Variants in LPP observed in about 807,000 individuals in gnomAD.
LPP encodes the protein LIM domain containing preferred translocation partner in lipoma.
A neutral mutation model predicts 60.4 loss-of-function variants in LPP; 38 were observed. The ratio of observed to expected loss-of-function variants is 0.63; its 90% CI spans 0.49 to 0.83. The LOEUF (loss-of-function observed/expected upper bound fraction) is 0.83, where lower values mean the gene tolerates loss of function less well. Ranked by LOEUF, LPP falls within the 40% of genes least tolerant of loss-of-function variation. The pLI, the probability that LPP is intolerant of heterozygous loss-of-function variation, is 0.00. For synonymous variants in LPP, 328 were observed against 290.8 expected (o/e 1.13, Z -1.30); for missense variants, 902 against 783.6 (o/e 1.15, Z -1.80).
chr3:188,659,969 G>T (rs577508082), intron 7 of LPP, among the ~76,000 whole-genome samples: 1 of 152,060 alleles, frequency 6.6e-6, no homozygotes, highest in Admixed American at 6.6e-5. Context: ...TGTAACAGGA[G>T]TGAGCTTATT....
In LPP at chr3:188,882,327, TATC is replaced by T. The variant is rs1770130071; in HGVS notation, c.*7851_*7853del. 1 of 225,604 alleles carries T rather than the reference TATC, an allele frequency of 4.4e-6. No individual in the cohort carries two copies. Among genetic ancestry groups the T allele is most frequent in the South Asian group, 1.8e-4 (1 of 5,484 alleles). 14.0% of individuals were successfully genotyped at this position (225,604 alleles called of 1,614,324 possible). A position where few individuals can be genotyped will look rare whatever the true frequency, so the allele number is the denominator to read the frequency against. The stretch of plus-strand genomic sequence containing the variant: ...AGAAGACCCTCTGCATTGGCCAAAA[TATC>T]ATGGATTCTGGAAATTCCTTCTTAA... On this transcript the variant is annotated 3_prime_UTR_variant, in exon 12 of 12. Transcript: ENST00000617246.
At chr3:188,481,014 A>G (rs1001421389) in intron 4 of LPP, among the ~76,000 whole-genome samples, 1 of 152,198 alleles carries the variant, frequency 6.6e-6, no homozygotes, top group Non-Finnish European at 1.5e-5. Context: ...TTTCTTAAAC[A>G]TGATAATTCT....
At chr3:188,823,224 GACA>G (rs1410729884) in intron 9 of LPP, among the ~76,000 whole-genome samples, 6 of 152,140 alleles carry the variant, frequency 3.9e-5, no homozygotes, top group African/African-American at 1.4e-4. Flanking sequence ...CTAGTAGCCA[GACA>G]GAAAGCATCT....
intron 7 of LPP, among the ~76,000 whole-genome samples, chr3:188,670,011 C>T (rs554026603): frequency 2.2e-4 from 34 of 152,238 alleles, no homozygotes; most frequent in East Asian, 1.2e-3. Flanking sequence ...GGACAGAAAA[C>T]CAAACACCAC....
In LPP at chr3:188,524,702, C is replaced by A. The variant is rs370475678; in HGVS notation, c.344C>A (p.Ser115Tyr). The change falls in exon 6 of 12, where the codon TCC (serine) becomes TAC (tyrosine). Residue 115 changes from serine (S) to tyrosine (Y), a missense_variant. Physicochemically the swap from Ser to Tyr is moderately radical, Grantham distance 144. Coordinates refer to ENST00000617246, the MANE Select transcript of LPP (RefSeq NM_001375462.1). ...GGCAAGACACTTGAGGAGAGGCGCT[C>A]CAGCCTGGACGCTGAGATTGACTCC... ...PGGKTLEERR[S>Y]SLDAEIDSLT... The A allele has an allele frequency of 1.5e-5, 24 of 1,613,992 alleles. No individual in the cohort carries two copies. The highest frequency in any genetic ancestry group is 1.9e-5 in the Non-Finnish European group (22 of 1,179,982).
At chr3:188,444,848 A>G (rs769923432) in intron 4 of LPP, among the ~76,000 whole-genome samples, 1 of 152,232 alleles carries the variant, frequency 6.6e-6, no homozygotes, top group Non-Finnish European at 1.5e-5. Context: ...ACTTCTCAGA[A>G]GAAGACATTT....
At chr3:188,320,526 A>T (rs1756625417) in intron 2 of LPP, among the ~76,000 whole-genome samples, 1 of 152,222 alleles carries the variant, frequency 6.6e-6, no homozygotes, top group African/African-American at 2.4e-5. Context: ...TTGGGAAAGC[A>T]GGAAGGAGTA....
intron 2 of LPP, among the ~76,000 whole-genome samples, chr3:188,254,150 A>G (rs1235356036): frequency 1.3e-5 from 2 of 152,214 alleles, no homozygotes; most frequent in Non-Finnish European, 2.9e-5. Flanking sequence ...AGGTCTGCCC[A>G]CCTATTCTTA....
chr3:188,160,189 C>T (rs753861626), intron 1 of LPP, among the ~76,000 whole-genome samples: 4 of 149,948 alleles, frequency 2.7e-5, no homozygotes, highest in South Asian at 2.1e-4. Flanking sequence ...GGATTACAGG[C>T]GTGAGCCACC....
intron 4 of LPP, among the ~76,000 whole-genome samples, chr3:188,423,871 A>G (rs1788553568): frequency 6.7e-6 from 1 of 149,000 alleles, no homozygotes; most frequent in Admixed American, 6.8e-5. Flanking sequence ...TCAGATGGAT[A>G]GATTGCACGC....
chr3:188,772,293 C>T (rs1352220769), intron 9 of LPP, among the ~76,000 whole-genome samples: 5 of 152,110 alleles, frequency 3.3e-5, no homozygotes, highest in Non-Finnish European at 7.4e-5. Flanking sequence ...GATCTCCAGC[C>T]TTAAAATGCT....
At chr3:188,768,938 C>G (rs551953656) in intron 9 of LPP, among the ~76,000 whole-genome samples, 5 of 152,226 alleles carry the variant, frequency 3.3e-5, no homozygotes, top group African/African-American at 9.6e-5. Flanking sequence ...CATCTTAAGA[C>G]TGTATGTACA....
intron 7 of LPP, among the ~76,000 whole-genome samples, chr3:188,641,113 A>C (rs1226929340): frequency 6.6e-6 from 1 of 151,824 alleles, no homozygotes; most frequent in Non-Finnish European, 1.5e-5. Context: ...TTAAGGCTCC[A>C]CATTTCTGAT....
intron 9 of LPP, among the ~76,000 whole-genome samples, chr3:188,836,481 A>G (rs747598767): frequency 6.6e-6 from 1 of 152,194 alleles, no homozygotes; most frequent in Non-Finnish European, 1.5e-5. Flanking sequence ...TTCTGTGTGA[A>G]CAACTTGACA....
chr3:188,651,195 A>G (rs1221751358), intron 7 of LPP, among the ~76,000 whole-genome samples: 3 of 152,194 alleles, frequency 2.0e-5, no homozygotes, highest in Non-Finnish European at 4.4e-5. Context: ...AATTTCTGCC[A>G]TATGCTGGGA....
intron 2 of LPP, among the ~76,000 whole-genome samples, chr3:188,294,904 G>A (rs570548847): frequency 3.0e-4 from 46 of 152,254 alleles, no homozygotes; most frequent in Non-Finnish European, 5.3e-4. Context: ...CCTGGCCAGT[G>A]TCTGACTGTA....
intron 5 of LPP, among the ~76,000 whole-genome samples, chr3:188,485,721 C>T (rs1276393877): frequency 8.0e-5 from 11 of 136,968 alleles, no homozygotes; most frequent in African/African-American, 2.1e-4. Context: ...GGCGTGAACC[C>T]GGGAGGCAGA....
intron 7 of LPP, among the ~76,000 whole-genome samples, chr3:188,652,137 A>G (rs1852218038): frequency 6.6e-6 from 1 of 152,186 alleles, no homozygotes; most frequent in Non-Finnish European, 1.5e-5. Context: ...ATGCAAGAGA[A>G]AAGAGTCTTT....
chr3:188,240,288 A>C (rs1723669503), intron 2 of LPP: 1 of 168,646 alleles, frequency 5.9e-6, no homozygotes, highest in South Asian at 2.0e-4. Flanking sequence ...GGAATAGCTT[A>C]CAGCTTGCCT....
Sources: gnomAD v4.1 joint callset for allele counts (sites outside exome capture counted in the v4.1 genomes callset) on GRCh38, gnomAD v4.1.1 for gene constraint, MANE v1.5 for transcripts, NCBI Gene and HGNC (gene_info 2026-07-23, HGNC 2026-07-21) for gene names.